CNTNAP4: variants seen among roughly 807,000 people sequenced by gnomAD.
CNTNAP4 encodes the protein contactin associated protein family member 4.
A neutral mutation model predicts 148.4 loss-of-function variants in CNTNAP4; 98 were observed. The observed-to-expected ratio is 0.66, with a 90% CI of 0.56 to 0.78. The LOEUF is 0.78. Among genes scored for constraint, CNTNAP4 ranks in the 30% least tolerant of loss-of-function variants. The pLI, the probability that CNTNAP4 is intolerant of heterozygous loss-of-function variation, is 0.00. For synonymous variants in CNTNAP4, 730 were observed against 565.1 expected, an observed-to-expected ratio of 1.29 and a Z score of -4.14; for missense variants, 1,935 against 1,565.6, an observed-to-expected ratio of 1.24 and a Z score of -3.98.
rs192724185 is a variant in CNTNAP4 at position 76,433,494 on chromosome 16, C to A, written c.538+5895C>A. Among the ~76,000 whole-genome samples the A allele has an allele frequency of 2.2e-3, 334 of 152,022 alleles. 2 individuals are homozygous for A. The highest frequency in any genetic ancestry group is 1.4e-3 in the Non-Finnish European group (96 of 67,962). On this transcript the variant is annotated intron_variant, in intron 4 of 23. Coordinates refer to ENST00000611870, the MANE Select transcript of CNTNAP4 (RefSeq NM_033401.5). ...ATTTAAAAAAATTCCAATTTTTTTA[C>A]ATAATAAACTATAAAGTTGGAATTA...
intron 2 of CNTNAP4, among the ~76,000 whole-genome samples, chr16:76,332,512 C>T (rs1011475023): frequency 2.0e-5 from 3 of 151,984 alleles, no homozygotes; most frequent in African/African-American, 7.3e-5. Context: ...AATCTGGCCA[C>T]CTCAACCTCC....
intron 5 of CNTNAP4, 49 bp from the exon 6 acceptor site, chr16:76,448,718 T>C (rs780510317): frequency 1.0e-5 from 14 of 1,399,492 alleles, no homozygotes; most frequent in African/African-American, 1.5e-5. Flanking sequence ...CTTTTTTTTT[T>C]TTCTTTAGAC....
chr16:76,423,029 C>T (rs1160684907), intron 3 of CNTNAP4, among the ~76,000 whole-genome samples: 1 of 152,078 alleles, frequency 6.6e-6, no homozygotes, highest in Non-Finnish European at 1.5e-5. Flanking sequence ...CCCAAAGGAG[C>T]TCATTCACCG....
rs147768054 is a variant in CNTNAP4 at position 76,465,168 on chromosome 16, A to C, written c.1484-2184A>C. On this transcript the variant is annotated intron_variant, in intron 9 of 23. Transcript: ENST00000611870. ...TCTGTTATCCTCGGAGGTGCTTAAC[A>C]TGCTGACTGCCTCCAGTAATGGATC... 3.9e-5 allele frequency among the ~76,000 whole-genome samples: 6 copies of C among 152,348 alleles called. No homozygotes were observed. The East Asian group carries it at 1.2e-3, about 29-fold the overall frequency.
chr16:76,289,526 G>A (rs1567589805), intron 1 of CNTNAP4, among the ~76,000 whole-genome samples: 2 of 118,558 alleles, frequency 1.7e-5, no homozygotes, highest in East Asian at 2.2e-4. Flanking sequence ...ATTGCCTTTA[G>A]CATTTTTTTT....
intron 1 of CNTNAP4, among the ~76,000 whole-genome samples, chr16:76,284,909 A>G (rs1958822103): frequency 6.6e-6 from 1 of 152,070 alleles, no homozygotes; most frequent in Non-Finnish European, 1.5e-5. Flanking sequence ...TAATTGCACA[A>G]GCAAAGATAC....
intron 3 of CNTNAP4, among the ~76,000 whole-genome samples, chr16:76,404,703 A>G (rs767170161): frequency 3.3e-5 from 5 of 152,270 alleles, no homozygotes; most frequent in Non-Finnish European, 7.4e-5. Flanking sequence ...GAAATTGCTT[A>G]TAAAATTAAT....
At chr16:76,325,001 A>T (rs1335514496) in intron 2 of CNTNAP4, among the ~76,000 whole-genome samples, 1 of 152,168 alleles carries the variant, frequency 6.6e-6, no homozygotes, top group Non-Finnish European at 1.5e-5. Flanking sequence ...TAGTAAACTA[A>T]CTACTTGACA....
intron 1 of CNTNAP4, among the ~76,000 whole-genome samples, chr16:76,310,744 G>A (rs923639840): frequency 6.6e-6 from 1 of 152,064 alleles, no homozygotes. Flanking sequence ...AAATAACTGA[G>A]AAGATGACTA....
At chr16:76,318,528 G>A (rs1475521362) in intron 2 of CNTNAP4, among the ~76,000 whole-genome samples, 8 of 151,600 alleles carry the variant, frequency 5.3e-5, no homozygotes, top group Non-Finnish European at 1.0e-4. Context: ...TCTTTTGCTG[G>A]TTGTAAACCT....
At position 76,539,424 on chromosome 16, in the gene CNTNAP4, T is replaced by A. The variant is rs1280895708; in HGVS notation, c.3221-295T>A. ...GTTGGCATTTCAGAAATACTTAATA[T>A]TATTTTTTAAGTGAGAGGCAAGTGC... On this transcript the variant is annotated intron_variant, in intron 19 of 23. Transcript: ENST00000611870. 2.0e-5 allele frequency among the ~76,000 whole-genome samples: 3 copies of A among 152,102 alleles called. No homozygotes were observed. In the East Asian group the frequency reaches 5.8e-4, roughly 29 times the overall value.
chr16:76,383,619 A>G (rs1165581545), intron 3 of CNTNAP4, among the ~76,000 whole-genome samples: 1 of 152,242 alleles, frequency 6.6e-6, no homozygotes, highest in Non-Finnish European at 1.5e-5. Flanking sequence ...ATATGCACAT[A>G]TACTTTTAAG....
At position 76,543,602 on chromosome 16, in the gene CNTNAP4, G is replaced by T. The variant is rs1197939322; in HGVS notation, c.3442+2812G>T. ...GAAAGAGAGGGAAAATTAGACAGAA[G>T]CACAGAAGTGTCTCAGACCAATGTG... On this transcript the variant is annotated intron_variant, in intron 21 of 23. Transcript: ENST00000611870. 2.6e-5 allele frequency among the ~76,000 whole-genome samples: 4 copies of T among 152,234 alleles called. No homozygotes were observed. The East Asian group carries it at 7.7e-4, about 29-fold the overall frequency.
chr16:76,303,622 A>G (rs1960198494), intron 1 of CNTNAP4, among the ~76,000 whole-genome samples: 1 of 152,200 alleles, frequency 6.6e-6, no homozygotes, highest in Non-Finnish European at 1.5e-5. Flanking sequence ...CCAAATAAAG[A>G]GATGCCCATG....
chr16:76,334,184 TA>T (rs1963813910), intron 2 of CNTNAP4, among the ~76,000 whole-genome samples: 1 of 148,734 alleles, frequency 6.7e-6, no homozygotes, highest in Non-Finnish European at 1.5e-5. Context: ...AGTATAATAA[TA>T]ATAATAATAA....
chr16:76,466,458 T>C (rs984381455), intron 9 of CNTNAP4, among the ~76,000 whole-genome samples: 9 of 152,184 alleles, frequency 5.9e-5, no homozygotes, highest in Admixed American at 5.2e-4. Context: ...AATACCCCAT[T>C]CTTCATGGTG....
chr16:76,536,016 A>G (rs1254306168), intron 18 of CNTNAP4, among the ~76,000 whole-genome samples: 6 of 152,186 alleles, frequency 3.9e-5, no homozygotes, highest in Admixed American at 2.6e-4. Flanking sequence ...TGACTCATTT[A>G]TGAAAAACTA....
At chr16:76,282,434 A>T (rs989445081) in intron 1 of CNTNAP4, among the ~76,000 whole-genome samples, 1 of 151,948 alleles carries the variant, frequency 6.6e-6, no homozygotes, top group Non-Finnish European at 1.5e-5. Flanking sequence ...TTGAACAAAA[A>T]TTCTGCTGTT....
chr16:76,428,500 G>A (rs1312289653), intron 4 of CNTNAP4, among the ~76,000 whole-genome samples: 1 of 151,686 alleles, frequency 6.6e-6, no homozygotes, highest in Non-Finnish European at 1.5e-5. Flanking sequence ...TGTGATGTAA[G>A]CCAAGTTAAG....
Sources: gnomAD v4.1 joint callset for allele counts (sites outside exome capture counted in the v4.1 genomes callset) on GRCh38, gnomAD v4.1.1 for gene constraint, MANE v1.5 for transcripts, NCBI Gene and HGNC (gene_info 2026-07-23, HGNC 2026-07-21) for gene names.